KIRREL3: variants seen among roughly 807,000 people sequenced by gnomAD.
The protein encoded by KIRREL3 is kin of IRRE-like protein 3.
Under a neutral mutation model 89.7 loss-of-function variants are expected in KIRREL3, and 36 were observed. The ratio of observed to expected loss-of-function variants is 0.40; its 90% CI spans 0.31 to 0.53. The LOEUF is 0.53. Ranked by LOEUF, KIRREL3 falls within the 20% of genes least tolerant of loss-of-function variation. The pLI is 0.49. For missense variants in KIRREL3, 864 were observed against 1,056.6 expected (o/e 0.82, Z 2.53); for synonymous variants, 445 against 441.4 (o/e 1.01, Z -0.10).
intron 1 of KIRREL3, among the ~76,000 whole-genome samples, chr11:126,923,962 T>C (rs1423715541): frequency 1.3e-5 from 2 of 152,366 alleles, no homozygotes; most frequent in African/African-American, 4.8e-5. Context: ...GATCCTGATG[T>C]GGCTCACCCG....
rs1327699399 is a variant in KIRREL3 at position 126,640,283 on chromosome 11, G to A, written c.56-77371C>T. Among the ~76,000 whole-genome samples the A allele has an allele frequency of 6.6e-6, 1 of 152,098 alleles. No individual in the cohort carries two copies. Among genetic ancestry groups the A allele is most frequent in the East Asian group, 1.9e-4 (1 of 5,188 alleles). On this transcript the variant is annotated intron_variant, in intron 1 of 16. Coordinates refer to ENST00000525144, the MANE Select transcript of KIRREL3 (RefSeq NM_032531.4). The surrounding 1 kb of genome is among the most constrained non-coding windows in gnomAD (Gnocchi z 4.9). ...TGGGCAGTGGGTATGTGGGGCTCCT[G>A]GGGACCCACTTTGGTTTGGGAAAGG...
At chr11:126,445,798 C>T (rs1362636326) in intron 9 of KIRREL3, among the ~76,000 whole-genome samples, 6 of 152,166 alleles carry the variant, frequency 3.9e-5, no homozygotes, top group African/African-American at 1.4e-4. Flanking sequence ...CCTGTTCCTT[C>T]CTATGTGAGG....
Position 126,755,544 on chromosome 11 carries a change from C to A in KIRREL3, c.56-192632G>T, listed in dbSNP as rs1949464369. On this transcript the variant is annotated intron_variant, in intron 1 of 16. Coordinates refer to ENST00000525144, the MANE Select transcript of KIRREL3 (RefSeq NM_032531.4). The surrounding 1 kb of genome is among the most constrained non-coding windows in gnomAD (Gnocchi z 4.3). The stretch of plus-strand genomic sequence containing the variant: ...AGACACACACCAGAAAGTAAAAAAA[C>A]AAAACAACAACAACAAAAGAAAAAA... Among the ~76,000 whole-genome samples the A allele has an allele frequency of 6.6e-6, 1 of 151,976 alleles. No individual in the cohort carries two copies. Among genetic ancestry groups the A allele is most frequent in the Non-Finnish European group, 1.5e-5 (1 of 67,994 alleles).
chr11:126,611,449 T>G lies in KIRREL3; in HGVS notation c.56-48537A>C, dbSNP rs1254728407. Among the ~76,000 whole-genome samples the G allele has an allele frequency of 6.6e-6, 1 of 152,208 alleles. No homozygotes were observed. The highest frequency in any genetic ancestry group is 6.5e-5 in the Admixed American group (1 of 15,284). On this transcript the variant is annotated intron_variant, in intron 1 of 16. Transcript: ENST00000525144. This position sits in a 1 kb window ranked among gnomAD's most constrained non-coding sequence, Gnocchi z 4.7. Reference sequence around the variant, plus strand: ...TTGCCGTCCTTGGTATGCACACACATGCATGGAAGCTATATTCCTCCTTCA... The same window carrying G: ...TTGCCGTCCTTGGTATGCACACACAGGCATGGAAGCTATATTCCTCCTTCA...
At chr11:126,593,333 C>T (rs1209386074) in intron 1 of KIRREL3, among the ~76,000 whole-genome samples, 2 of 152,308 alleles carry the variant, frequency 1.3e-5, no homozygotes, top group Admixed American at 6.5e-5. Context: ...GCTTCAGGGG[C>T]GCCAGCATTT....
At chr11:126,512,566 G>GC (rs1322306848) in intron 4 of KIRREL3, among the ~76,000 whole-genome samples, 2 of 152,154 alleles carry the variant, frequency 1.3e-5, no homozygotes, top group Non-Finnish European at 2.9e-5. Context: ...CCAGGCAGCT[G>GC]CCCCCCGCAT....
At chr11:126,888,832 C>A (rs929018340) in intron 1 of KIRREL3, among the ~76,000 whole-genome samples, 10 of 152,236 alleles carry the variant, frequency 6.6e-5, no homozygotes, top group Admixed American at 6.5e-4. Context: ...AGATGAAACC[C>A]ATTTGTGAGT....
At position 126,771,161 on chromosome 11, in the gene KIRREL3, T is replaced by C. The variant is rs1367150907; in HGVS notation, c.56-208249A>G. 6.6e-6 allele frequency among the ~76,000 whole-genome samples: 1 copy of C among 152,146 alleles called. No individual in the cohort carries two copies. Among genetic ancestry groups the C allele is most frequent in the Non-Finnish European group, 1.5e-5 (1 of 68,034 alleles). On this transcript the variant is annotated intron_variant, in intron 1 of 16. Coordinates refer to ENST00000525144, the MANE Select transcript of KIRREL3 (RefSeq NM_032531.4). This position sits in a 1 kb window ranked among gnomAD's most constrained non-coding sequence, Gnocchi z 4.4. Reference sequence around the variant, plus strand: ...CAGAACGATCATTTATTAAAGAGTGTTGTATACCAAGTCTTGTGTTAGCTG... The same window carrying C: ...CAGAACGATCATTTATTAAAGAGTGCTGTATACCAAGTCTTGTGTTAGCTG...
In KIRREL3 at chr11:126,427,931, G is replaced by T. The variant is rs1955000189; in HGVS notation, c.1806+1248C>A. Among the ~76,000 whole-genome samples the T allele has an allele frequency of 6.6e-6, 1 of 152,164 alleles. No homozygotes were observed. The highest frequency in any genetic ancestry group is 1.5e-5 in the Non-Finnish European group (1 of 68,028). On this transcript the variant is annotated intron_variant, in intron 15 of 16. Transcript: ENST00000525144. This position sits in a 1 kb window ranked among gnomAD's most constrained non-coding sequence, Gnocchi z 5.3. ...GGGGCACACATTTGAGACACTTTTT[G>T]AAGTGGAATTGACAGGACCTGAAAA...
At chr11:126,468,153 C>T (rs1243086897) in intron 5 of KIRREL3, among the ~76,000 whole-genome samples, 3 of 152,202 alleles carry the variant, frequency 2.0e-5, no homozygotes, top group African/African-American at 7.2e-5. Context: ...CTCAGCCTGT[C>T]CTCTCGCCCC....
rs1405303658 is a variant in KIRREL3 at position 126,628,923 on chromosome 11, C to A, written c.56-66011G>T. Among the ~76,000 whole-genome samples the A allele has an allele frequency of 6.6e-6, 1 of 152,206 alleles. No individual in the cohort carries two copies. ...GGCTTCCCCAGCCCAGCAGAGGCAC[C>A]AAACCCACGCAATTTGTAAATCTTT... On this transcript the variant is annotated intron_variant, in intron 1 of 16. Coordinates refer to ENST00000525144, the MANE Select transcript of KIRREL3 (RefSeq NM_032531.4). This position sits in a 1 kb window ranked among gnomAD's most constrained non-coding sequence, Gnocchi z 5.2.
chr11:126,457,433 GTGTGTA>G (rs750161688), intron 6 of KIRREL3, among the ~76,000 whole-genome samples: 1 of 151,844 alleles, frequency 6.6e-6, no homozygotes, highest in Admixed American at 6.6e-5. Context: ...GTCTATGCGT[GTGTGTA>G]TGTGTATGTG....
At position 126,435,256 on chromosome 11, in the gene KIRREL3, C is replaced by A; in HGVS notation, c.1588+12G>T. ...CCCTTCCCAGGGCCATTCTCATCAT[C>A]TCCTTCCGTACCTGCTTCCAGCCCG... is the stretch of plus-strand genomic sequence containing the variant. On this transcript the variant is annotated intron_variant, in intron 13 of 16. Transcript: ENST00000525144. 6.2e-7 allele frequency: 1 copy of A among 1,613,772 alleles called. No individual in the cohort carries two copies. The highest frequency in any genetic ancestry group is 8.5e-7 in the Non-Finnish European group (1 of 1,179,786).
chr11:126,456,578 G>C (rs1956352353), intron 6 of KIRREL3, 124 bp from the exon 7 acceptor site: 3 of 654,434 alleles, frequency 4.6e-6, no homozygotes, highest in Middle Eastern at 3.3e-4. Flanking sequence ...CCCCCGCCCT[G>C]GTGGTCTTCA....
intron 1 of KIRREL3, among the ~76,000 whole-genome samples, chr11:126,938,556 G>A (rs1948302170): frequency 6.6e-6 from 1 of 152,174 alleles, no homozygotes; most frequent in South Asian, 2.1e-4. Context: ...TACTTCCTAG[G>A]ATTAGGCAAC....
intron 6 of KIRREL3, among the ~76,000 whole-genome samples, chr11:126,460,853 G>C (rs975150056): frequency 2.6e-5 from 4 of 152,242 alleles, no homozygotes; most frequent in Non-Finnish European, 4.4e-5. Flanking sequence ...CTACGCTGCT[G>C]TCGCAGGGGG....
At chr11:126,434,441 C>T in intron 13 of KIRREL3, among the ~76,000 whole-genome samples, 1 of 152,224 alleles carries the variant, frequency 6.6e-6, no homozygotes, top group Non-Finnish European at 1.5e-5. Flanking sequence ...CTGTGAGCAA[C>T]CTGTGCCCTG....
chr11:126,446,266 C>T (rs907960252), intron 9 of KIRREL3, among the ~76,000 whole-genome samples: 16 of 44,012 alleles, frequency 3.6e-4, no homozygotes, highest in Middle Eastern at 0.022. Context: ...TTTTCTTTCT[C>T]TCTCTTTCTT....
intron 1 of KIRREL3, among the ~76,000 whole-genome samples, chr11:126,794,575 A>G (rs966566328): frequency 1.4e-4 from 21 of 152,266 alleles, no homozygotes; most frequent in African/African-American, 5.1e-4. Flanking sequence ...TTACAAAAAT[A>G]TTTTAACCTG....
Sources: allele counts gnomAD v4.1 joint callset (sites outside exome capture counted in the v4.1 genomes callset), GRCh38; gene constraint gnomAD v4.1.1; non-coding constraint Gnocchi (gnomAD v3.1); transcripts MANE v1.5; gene names NCBI Gene and HGNC (gene_info 2026-07-23, HGNC 2026-07-21).